Variants in FKBP5 observed in about 807,000 individuals in gnomAD.
FKBP5 encodes FKBP prolyl isomerase 5, also known as peptidyl-prolyl cis-trans isomerase FKBP5.
In FKBP5, 23 loss-of-function variants were observed where a neutral mutation model predicts 50.5. That is an observed-to-expected ratio of 0.46 (90% confidence interval 0.33 to 0.65). The LOEUF (loss-of-function observed/expected upper bound fraction) is 0.65, where lower values mean the gene tolerates loss of function less well. FKBP5 is among the 30% of genes least tolerant of loss of function. The pLI is 0.02. For missense variants in FKBP5, 411 were observed against 553.1 expected, an observed-to-expected ratio of 0.74 and a Z score of 2.58; for synonymous variants, 176 against 190.6, an observed-to-expected ratio of 0.92 and a Z score of 0.63.
chr6:35,586,832 A>T (rs1762614554), intron 8 of FKBP5: 1 of 1,437,736 alleles, frequency 7.0e-7, no homozygotes. Flanking sequence ...AGAATGTGTA[A>T]AAGAGGAATC....
intron 3 of FKBP5, among the ~76,000 whole-genome samples, chr6:35,622,940 G>T (rs1346341483): frequency 6.6e-6 from 1 of 152,162 alleles, no homozygotes; most frequent in Non-Finnish European, 1.5e-5. Flanking sequence ...ATTAATAGTT[G>T]TTTTAAGAAT....
At chr6:35,681,016 A>G (rs989226717) in intron 1 of FKBP5, among the ~76,000 whole-genome samples, 3 of 152,258 alleles carry the variant, frequency 2.0e-5, no homozygotes, top group Admixed American at 2.0e-4. Flanking sequence ...TTTAGTGAAA[A>G]GCAGTATAAA....
chr6:35,658,230 CCGGGCGTGGTGG>C (rs1765009700), intron 1 of FKBP5, among the ~76,000 whole-genome samples: 1 of 151,938 alleles, frequency 6.6e-6, no homozygotes, highest in Non-Finnish European at 1.5e-5. Flanking sequence ...CAAAAATTAA[CCGGGCGTGGTGG>C]CGGGCGCCTG....
intron 1 of FKBP5, among the ~76,000 whole-genome samples, chr6:35,722,416 G>A (rs1477028898): frequency 1.3e-5 from 2 of 152,228 alleles, no homozygotes; most frequent in Admixed American, 6.5e-5. Flanking sequence ...ATGGGGGATC[G>A]GAGGAGAGTG....
chr6:35,642,632 T>A, intron 2 of FKBP5, 88 bp downstream of exon 2: 1 of 957,818 alleles, frequency 1.0e-6, no homozygotes, highest in South Asian at 1.6e-5. Flanking sequence ...CAATAAACAT[T>A]ATCCACCCCA....
intron 7 of FKBP5, among the ~76,000 whole-genome samples, chr6:35,589,118 ATATATATATATT>A (rs1561846548): frequency 7.2e-5 from 9 of 124,828 alleles, no homozygotes; most frequent in Middle Eastern, 4.0e-3. Context: ...TTTTATATAT[ATATATATATATT>A]TTTTTTTTTT....
rs372501669 is a variant in FKBP5 at position 35,607,122 on chromosome 6, G to A, written c.509-9718C>T. On this transcript the variant is annotated intron_variant, in intron 5 of 10. Transcript: ENST00000357266. ...CCAGCTAATTTTTGTATTTTTAGTA[G>A]AGGCAGGGTTTCACCATGTTGGCCA... Among the ~76,000 whole-genome samples, 4 of 152,198 alleles carry A rather than the reference G, an allele frequency of 2.6e-5. No individual in the cohort carries two copies. The East Asian group carries it at 7.7e-4, about 29-fold the overall frequency.
rs1403558091 is a variant in FKBP5 at position 35,650,446 on chromosome 6, T to C, written c.-19-7603A>G. 2.6e-5 allele frequency among the ~76,000 whole-genome samples: 4 copies of C among 151,924 alleles called. No homozygotes were observed. The East Asian group carries it at 7.7e-4, about 29-fold the overall frequency. On this transcript the variant is annotated intron_variant, in intron 1 of 10. Transcript: ENST00000357266. ...GATGATGCCACAATGGGCTAATACA[T>C]GTAACACAAACAGTGTAATTTATTT...
rs1021386691 is a variant in FKBP5 at position 35,575,210 on chromosome 6, A to C, written c.*625T>G. On this transcript the variant is annotated 3_prime_UTR_variant, in exon 11 of 11. Coordinates refer to ENST00000357266, the MANE Select transcript of FKBP5 (RefSeq NM_004117.4). Reference sequence around the variant, plus strand: ...ACTCTCACAAGGAGGCTGGCTGAGGAGGGGGACTTTGGGAGGAGGCTAAGT... The same window carrying C: ...ACTCTCACAAGGAGGCTGGCTGAGGCGGGGGACTTTGGGAGGAGGCTAAGT... The C allele has an allele frequency of 1.1e-4, 17 of 152,276 alleles. No individual in the cohort carries two copies. Among genetic ancestry groups the C allele is most frequent in the African/African-American group, 3.9e-4 (16 of 41,402 alleles). 9.4% of individuals were successfully genotyped at this position (152,276 alleles called of 1,614,324 possible). A position where few individuals can be genotyped will look rare whatever the true frequency, so the allele number is the denominator to read the frequency against.
chr6:35,619,026 T>A (rs1252165248), intron 5 of FKBP5, 70 bp downstream of exon 5: 3 of 987,906 alleles, frequency 3.0e-6, no homozygotes, highest in South Asian at 1.3e-5. Flanking sequence ...CATTTTTTTT[T>A]AAGTCTCCAT....
At chr6:35,581,996 T>G in intron 8 of FKBP5, 1 of 985,524 alleles carries the variant, frequency 1.0e-6, no homozygotes, top group Non-Finnish European at 1.2e-6. Flanking sequence ...GATACAGGAC[T>G]TCAAGTGGGT....
chr6:35,583,515 G>C, intron 8 of FKBP5: 1 of 985,380 alleles, frequency 1.0e-6, no homozygotes, highest in Non-Finnish European at 1.2e-6. Flanking sequence ...TCCAATTAGC[G>C]AAAAGTCTGT....
chr6:35,726,407 AG>A (rs1223674785), intron 1 of FKBP5, among the ~76,000 whole-genome samples: 3 of 152,126 alleles, frequency 2.0e-5, no homozygotes, highest in African/African-American at 7.2e-5. Flanking sequence ...GTGCCCTCCA[AG>A]CCTCCCAATC....
At chr6:35,707,379 G>A (rs1218976112) in intron 2 of FKBP5, among the ~76,000 whole-genome samples, 1 of 151,602 alleles carries the variant, frequency 6.6e-6, no homozygotes, top group African/African-American at 2.4e-5. Flanking sequence ...ACCACGGCCG[G>A]CTAATTTTTT....
intron 2 of FKBP5, among the ~76,000 whole-genome samples, chr6:35,701,659 C>G (rs553643945): frequency 3.2e-4 from 48 of 152,138 alleles, no homozygotes; most frequent in Non-Finnish European, 1.5e-4. Context: ...CCCACCTCAG[C>G]CTCCTGAGTA....
At chr6:35,672,575 C>T (rs550970250) in intron 1 of FKBP5, among the ~76,000 whole-genome samples, 3 of 151,298 alleles carry the variant, frequency 2.0e-5, no homozygotes, top group African/African-American at 7.3e-5. Flanking sequence ...AAAGAATACA[C>T]AACATGAAAA....
intron 1 of FKBP5, among the ~76,000 whole-genome samples, chr6:35,653,356 TA>T (rs1764864944): frequency 3.3e-5 from 5 of 152,014 alleles, no homozygotes; most frequent in Admixed American, 3.3e-4. Flanking sequence ...TGTCTCTTAA[TA>T]AAAAAAGATG....
At chr6:35,618,402 G>A (rs1283582859) in intron 5 of FKBP5, among the ~76,000 whole-genome samples, 6 of 151,670 alleles carry the variant, frequency 4.0e-5, no homozygotes, top group Non-Finnish European at 8.8e-5. Flanking sequence ...ACAGAATCTT[G>A]CTGTTGTCCA....
chr6:35,574,125 G>A lies in FKBP5; in HGVS notation c.*1710C>T, dbSNP rs1762143342. On this transcript the variant is annotated 3_prime_UTR_variant, in exon 11 of 11. Transcript: ENST00000357266. Reference sequence around the variant, plus strand: ...TTTAAAAGAAATATTTCATAAAAAAGACAAAAGCATAAATGAGAAATTAGA... The same window carrying A: ...TTTAAAAGAAATATTTCATAAAAAAAACAAAAGCATAAATGAGAAATTAGA... 1 of 151,990 alleles carries A rather than the reference G, an allele frequency of 6.6e-6. No individual in the cohort carries two copies. Among genetic ancestry groups the A allele is most frequent in the African/African-American group, 2.4e-5 (1 of 41,360 alleles). 9.4% of individuals were successfully genotyped at this position (151,990 alleles called of 1,614,324 possible). A position where few individuals can be genotyped will look rare whatever the true frequency, so the allele number is the denominator to read the frequency against.
Sources: gnomAD v4.1 joint callset for allele counts (sites outside exome capture counted in the v4.1 genomes callset) on GRCh38, gnomAD v4.1.1 for gene constraint, MANE v1.5 for transcripts, NCBI Gene and HGNC (gene_info 2026-07-23, HGNC 2026-07-21) for gene names.